The following VPS26A variants were observed in gnomAD, a reference collection of about 807,000 sequenced individuals.
VPS26A encodes the protein vacuolar protein sorting-associated protein 26A.
Under a neutral mutation model 42.4 loss-of-function variants are expected in VPS26A, and 22 were observed. That is an observed-to-expected ratio of 0.52 (90% confidence interval 0.37 to 0.74). The LOEUF is 0.74. VPS26A is among the 30% of genes least tolerant of loss of function. The pLI, the probability that VPS26A is intolerant of heterozygous loss-of-function variation, is 0.00. For missense variants in VPS26A, 276 were observed against 379.2 expected (o/e 0.73, Z 2.26); for synonymous variants, 110 against 123.5 (o/e 0.89, Z 0.73).
chr10:69,124,206 A>T lies in VPS26A; in HGVS notation c.-72A>T. On this transcript the variant is annotated 5_prime_UTR_variant, in exon 1 of 9. Coordinates refer to ENST00000263559, the MANE Select transcript of VPS26A (RefSeq NM_004896.5). Reference sequence around the variant, plus strand: ...GTCACGTGACGGAGCGCCGGAGCGGAGGGAGCCGGGGCTGGGAGTTCTCCT... The same window carrying T: ...GTCACGTGACGGAGCGCCGGAGCGGTGGGAGCCGGGGCTGGGAGTTCTCCT... 1 of 1,265,700 alleles carries T rather than the reference A, an allele frequency of 7.9e-7. No individual in the cohort carries two copies. Among genetic ancestry groups the T allele is most frequent in the Non-Finnish European group, 1.0e-6 (1 of 999,476 alleles). 78.4% of individuals were successfully genotyped at this position (1,265,700 alleles called of 1,614,324 possible).
At chr10:69,154,677 AT>A (rs1294732494) in intron 2 of VPS26A, among the ~76,000 whole-genome samples, 1 of 152,154 alleles carries the variant, frequency 6.6e-6, no homozygotes, top group Non-Finnish European at 1.5e-5. Flanking sequence ...AGCTTGGGCA[AT>A]ATAGTGAGAC....
In VPS26A at chr10:69,171,773, G is replaced by A. The variant is rs1382729072; in HGVS notation, c.*504G>A. 6.5e-6 allele frequency: 1 copy of A among 153,230 alleles called. No individual in the cohort carries two copies. The highest frequency in any genetic ancestry group is 1.5e-5 in the Non-Finnish European group (1 of 68,584). The allele number at this position is 153,230 out of a possible 1,614,324, so 9.5% of individuals were successfully genotyped here. A position where few individuals can be genotyped will look rare whatever the true frequency, so the allele number is the denominator to read the frequency against. ...TAAAACATGGCATCTCAATATTTTT[G>A]AGAACTACATTTGTTTTTAACATAT... On this transcript the variant is annotated 3_prime_UTR_variant, in exon 9 of 9. Transcript: ENST00000263559.
At chr10:69,142,277 TG>T (rs1841062410) in intron 2 of VPS26A, among the ~76,000 whole-genome samples, 1 of 141,618 alleles carries the variant, frequency 7.1e-6, no homozygotes, top group Non-Finnish European at 1.5e-5. Context: ...CTCATCCCCC[TG>T]GGGGCCCAAG....
chr10:69,156,859 A>G (rs1841439009), intron 3 of VPS26A, 148 bp from the exon 4 acceptor site: 1 of 661,478 alleles, frequency 1.5e-6, no homozygotes, highest in East Asian at 2.9e-5. Context: ...TATAAAAAGG[A>G]TAATGGAATT....
At chr10:69,129,499 T>C (rs561482161) in intron 1 of VPS26A, among the ~76,000 whole-genome samples, 3 of 152,194 alleles carry the variant, frequency 2.0e-5, no homozygotes, top group African/African-American at 7.2e-5. Flanking sequence ...AATTCGAGTT[T>C]GTTATTTGTA....
At chr10:69,153,006 G>A (rs370739888) in intron 2 of VPS26A, among the ~76,000 whole-genome samples, 4 of 147,198 alleles carry the variant, frequency 2.7e-5, no homozygotes, top group Non-Finnish European at 3.0e-5. Context: ...ATGCTTTTTT[G>A]TATGAAAAAG....
Position 69,174,061 on chromosome 10 carries a change from GCCACCCC to G in VPS26A, c.*2796_*2802del, listed in dbSNP as rs1175596476. On this transcript the variant is annotated 3_prime_UTR_variant, in exon 9 of 9. Coordinates refer to ENST00000263559, the MANE Select transcript of VPS26A (RefSeq NM_004896.5). Reference sequence around the variant, plus strand: ...GGGACAAATAAGAGAATAAAAGCTGGCCACCCCCCAGCCAGCAGCGGCAACCGGCTCG... The same window carrying G: ...GGGACAAATAAGAGAATAAAAGCTGGCCAGCCAGCAGCGGCAACCGGCTCG... Among the ~76,000 whole-genome samples, 1 of 152,164 alleles carries G rather than the reference GCCACCCC, an allele frequency of 6.6e-6. No individual in the cohort carries two copies. Among genetic ancestry groups the G allele is most frequent in the Non-Finnish European group, 1.5e-5 (1 of 68,024 alleles).
chr10:69,133,154 ATT>A, intron 2 of VPS26A, 107 bp downstream of exon 2: 1 of 1,172,822 alleles, frequency 8.5e-7, no homozygotes, highest in Non-Finnish European at 1.2e-6. Context: ...AGGGAGAGAG[ATT>A]TTTTTTTCCC....
chr10:69,173,707 C>T lies in VPS26A; in HGVS notation c.*2438C>T, dbSNP rs548539010. Among the ~76,000 whole-genome samples, 35 of 152,296 alleles carry T rather than the reference C, an allele frequency of 2.3e-4. No individual in the cohort carries two copies. Among genetic ancestry groups the T allele is most frequent in the African/African-American group, 7.0e-4 (29 of 41,574 alleles). On this transcript the variant is annotated 3_prime_UTR_variant, in exon 9 of 9. Transcript: ENST00000263559. ...ATGTACCAATCAGTGCTTGTGAAAA[C>T]GCACCAATCAGGCTGGGCACAGTGG...
intron 2 of VPS26A, among the ~76,000 whole-genome samples, chr10:69,149,989 C>T (rs894035405): frequency 4.6e-5 from 7 of 152,012 alleles, no homozygotes; most frequent in African/African-American, 1.7e-4. Flanking sequence ...AAGTGATCCA[C>T]CTGCCTTGGC....
chr10:69,171,137 T>G lies in VPS26A; in HGVS notation c.871-19T>G. On this transcript the variant is annotated intron_variant, in intron 8 of 8. Coordinates refer to ENST00000263559, the MANE Select transcript of VPS26A (RefSeq NM_004896.5). ...CATATCAAACATTAATTTGTTAATA[T>G]CTTGCATTTGTTTACTAGGAGATAA... 11 of 1,577,188 alleles carry G rather than the reference T, an allele frequency of 7.0e-6. No homozygotes were observed. The highest frequency in any genetic ancestry group is 9.5e-6 in the Non-Finnish European group (11 of 1,153,054).
intron 2 of VPS26A, among the ~76,000 whole-genome samples, chr10:69,145,769 C>T (rs943428104): frequency 6.6e-6 from 1 of 151,116 alleles, no homozygotes; most frequent in African/African-American, 2.4e-5. Context: ...AATTCACATG[C>T]CATAAAATTC....
chr10:69,152,755 G>A (rs1206307501), intron 2 of VPS26A, among the ~76,000 whole-genome samples: 2 of 152,014 alleles, frequency 1.3e-5, no homozygotes, highest in Non-Finnish European at 2.9e-5. Flanking sequence ...GGATCACGAG[G>A]TCAGGAGATC....
At chr10:69,128,050 A>G (rs1389052019) in intron 1 of VPS26A, among the ~76,000 whole-genome samples, 2 of 151,002 alleles carry the variant, frequency 1.3e-5, no homozygotes, top group Non-Finnish European at 2.9e-5. Flanking sequence ...AATAGAGGAT[A>G]GCACGTAGTT....
chr10:69,148,810 C>T (rs573086584), intron 2 of VPS26A, among the ~76,000 whole-genome samples: 1 of 145,434 alleles, frequency 6.9e-6, no homozygotes, highest in Non-Finnish European at 1.5e-5. Flanking sequence ...CGCTGGAGTG[C>T]AGTGGCACGA....
At chr10:69,144,286 A>G (rs756654794) in intron 2 of VPS26A, among the ~76,000 whole-genome samples, 3 of 152,212 alleles carry the variant, frequency 2.0e-5, no homozygotes, top group Non-Finnish European at 4.4e-5. Context: ...CATAGTTTAC[A>G]TTAGGGTTTA....
chr10:69,164,972 G>C (rs1282813453), intron 6 of VPS26A, among the ~76,000 whole-genome samples: 1 of 150,502 alleles, frequency 6.6e-6, no homozygotes, highest in Non-Finnish European at 1.5e-5. Flanking sequence ...TCTGTTTCCA[G>C]GCTGGAGTGC....
intron 8 of VPS26A, 112 bp from the exon 9 acceptor site, chr10:69,171,044 C>G (rs1355657888): frequency 1.5e-5 from 13 of 872,108 alleles, no homozygotes; most frequent in Non-Finnish European, 2.3e-5. Flanking sequence ...AAGAGGAGGG[C>G]TTTTGTAGGG....
At position 69,172,682 on chromosome 10, in the gene VPS26A, A is replaced by T. The variant is rs1416107601; in HGVS notation, c.*1413A>T. ...CTACATGTGGATATCTATGAATGGTAATGTTTTCCTTCATGTAAGTGCCTA... is the reference window on the plus strand; with the variant it reads ...CTACATGTGGATATCTATGAATGGTTATGTTTTCCTTCATGTAAGTGCCTA... On this transcript the variant is annotated 3_prime_UTR_variant, in exon 9 of 9. Transcript: ENST00000263559. 1.3e-5 allele frequency: 2 copies of T among 152,678 alleles called. No homozygotes were observed. The highest frequency in any genetic ancestry group is 1.9e-4 in the East Asian group (1 of 5,208). The allele number at this position is 152,678 out of a possible 1,614,324, so 9.5% of individuals were successfully genotyped here.
Sources: gnomAD v4.1 joint callset for allele counts (sites outside exome capture counted in the v4.1 genomes callset) on GRCh38, gnomAD v4.1.1 for gene constraint, MANE v1.5 for transcripts, NCBI Gene and HGNC (gene_info 2026-07-23, HGNC 2026-07-21) for gene names.